The following GPR158 variants were observed in gnomAD, a reference collection of about 807,000 sequenced individuals.
GPR158 encodes the protein metabotropic glycine receptor.
GPR158 carries 30 observed loss-of-function variants against 78.2 expected under a neutral mutation model. The ratio of observed to expected loss-of-function variants is 0.38; its 90% CI spans 0.29 to 0.52. The LOEUF is 0.52. GPR158 is among the 20% of genes least tolerant of loss of function. GPR158 has a pLI of 0.83. For synonymous variants in GPR158, 581 were observed against 591.1 expected (o/e 0.98, Z 0.25); for missense variants, 1,463 against 1,523.5 (o/e 0.96, Z 0.66).
intron 4 of GPR158, among the ~76,000 whole-genome samples, chr10:25,426,134 A>G (rs540857627): frequency 1.3e-3 from 191 of 152,264 alleles, no homozygotes; most frequent in African/African-American, 4.2e-3. Flanking sequence ...GAGTTTCATC[A>G]TATGTAAAAT....
intron 6 of GPR158, among the ~76,000 whole-genome samples, chr10:25,555,024 AAAG>A (rs1303958131): frequency 2.0e-5 from 3 of 152,056 alleles, no homozygotes; most frequent in Admixed American, 6.6e-5. Context: ...AAAGAAAAGA[AAAG>A]AAGAGAAAAG....
chr10:25,427,571 G>T (rs1435408454), intron 4 of GPR158, among the ~76,000 whole-genome samples: 1 of 151,988 alleles, frequency 6.6e-6, no homozygotes, highest in East Asian at 1.9e-4. Context: ...GCTAATATAG[G>T]TTTTTTAAAT....
intron 1 of GPR158, among the ~76,000 whole-genome samples, chr10:25,179,162 T>G (rs1852581375): frequency 6.6e-6 from 1 of 152,246 alleles, no homozygotes; most frequent in African/African-American, 2.4e-5. Flanking sequence ...GTTGATGATA[T>G]TTTATCATCT....
chr10:25,322,376 G>A (rs7923779), intron 2 of GPR158, among the ~76,000 whole-genome samples: 2,162 of 143,040 alleles, frequency 0.015, 50 homozygotes, highest in African/African-American at 0.059. Context: ...GCGAGACTCC[G>A]TCTCAAAAAA....
chr10:25,213,252 TA>T (rs964429369), intron 1 of GPR158, among the ~76,000 whole-genome samples: 1 of 151,956 alleles, frequency 6.6e-6, no homozygotes, highest in Non-Finnish European at 1.5e-5. Context: ...GGGAACATCT[TA>T]AAAAAAACTT....
At chr10:25,335,849 T>C (rs935153798) in intron 2 of GPR158, among the ~76,000 whole-genome samples, 1 of 152,072 alleles carries the variant, frequency 6.6e-6, no homozygotes, top group Non-Finnish European at 1.5e-5. Context: ...GAAATATGAC[T>C]AAGTGACTCC....
rs918435046 is a variant in GPR158, at chr10:25,599,521, A to C, written c.*247A>C. 29 of 474,686 alleles carry C rather than the reference A, an allele frequency of 6.1e-5. No individual in the cohort carries two copies. The highest frequency in any genetic ancestry group is 5.6e-4 in the Middle Eastern group (1 of 1,792). 29.4% of individuals were successfully genotyped at this position (474,686 alleles called of 1,614,324 possible). ...ACTAGGAAAATCTTTCCATTTCAGC[A>C]TGTTTAAGGAAAATAGCCCACAATG... On this transcript the variant is annotated 3_prime_UTR_variant, in exon 11 of 11. Transcript: ENST00000376351.
At position 25,273,997 on chromosome 10, in the gene GPR158, C is replaced by T. The variant is rs112943499; in HGVS notation, c.1008+52840C>T. Among the ~76,000 whole-genome samples the T allele has an allele frequency of 2.1e-3, 313 of 152,134 alleles. 1 individual carries two copies. The highest frequency in any genetic ancestry group is 7.0e-3 in the African/African-American group (291 of 41,510). ...CTAGCCTCAAAGAAAATGTTTTTTG[C>T]GAGACATGGTTTTTCTCTGCTCCGT... On this transcript the variant is annotated intron_variant, in intron 2 of 10. Transcript: ENST00000376351.
At chr10:25,227,097 T>G (rs552475578) in intron 2 of GPR158, among the ~76,000 whole-genome samples, 1 of 152,314 alleles carries the variant, frequency 6.6e-6, no homozygotes, top group East Asian at 1.9e-4. Flanking sequence ...TTTTTTTGAG[T>G]TTTCCACTAT....
intron 3 of GPR158, among the ~76,000 whole-genome samples, chr10:25,409,622 G>A (rs1232868340): frequency 6.6e-6 from 1 of 152,048 alleles, no homozygotes; most frequent in African/African-American, 2.4e-5. Context: ...CTTTTTTCCA[G>A]TGTTAGAAAA....
intron 2 of GPR158, among the ~76,000 whole-genome samples, chr10:25,284,686 A>AT (rs1254129207): frequency 2.7e-5 from 4 of 150,780 alleles, no homozygotes; most frequent in Non-Finnish European, 5.9e-5. Flanking sequence ...CTTGTTCTTT[A>AT]TTTTTTCTCT....
At chr10:25,549,309 C>T (rs1332250100) in intron 5 of GPR158, among the ~76,000 whole-genome samples, 9 of 152,174 alleles carry the variant, frequency 5.9e-5, no homozygotes. Context: ...AGCTTCAAGT[C>T]CTTAGTAAAC....
At chr10:25,435,850 G>A (rs571403981) in intron 4 of GPR158, among the ~76,000 whole-genome samples, 4 of 152,278 alleles carry the variant, frequency 2.6e-5, no homozygotes, top group Non-Finnish European at 4.4e-5. Flanking sequence ...AGAGATAGTC[G>A]TGGTAGTGCA....
rs1316801123 is a variant in GPR158, at chr10:25,601,360, T to C, written c.*2086T>C. The C allele has an allele frequency of 3.3e-5, 5 of 152,636 alleles. No individual in the cohort carries two copies. 9.5% of individuals were successfully genotyped at this position (152,636 alleles called of 1,614,324 possible). ...CCATTTATTTCTTTTATCTCTTCCT[T>C]TTCAATGAAGGCCTATATGCTTGGT... On this transcript the variant is annotated 3_prime_UTR_variant, in exon 11 of 11. Coordinates refer to ENST00000376351, the MANE Select transcript of GPR158 (RefSeq NM_020752.3).
intron 5 of GPR158, among the ~76,000 whole-genome samples, chr10:25,490,655 G>A (rs1362749546): frequency 6.7e-6 from 1 of 149,152 alleles, no homozygotes; most frequent in African/African-American, 2.5e-5. Flanking sequence ...GTATTCCGTG[G>A]TGTATATGTG....
In GPR158 at chr10:25,457,137, C is replaced by CA. The variant is rs1385935036; in HGVS notation, c.1336-9513dup. Among the ~76,000 whole-genome samples the CA allele has an allele frequency of 0.035, 4,407 of 126,438 alleles. 528 individuals carry two copies. In the East Asian group the frequency reaches 0.42, roughly 12 times the overall value. The allele number at this position is 126,438 out of a possible 152,430, so 82.9% of individuals were successfully genotyped here. On this transcript the variant is annotated intron_variant, in intron 4 of 10. Coordinates refer to ENST00000376351, the MANE Select transcript of GPR158 (RefSeq NM_020752.3). ...ACAGGTGCCTGCCAGCCACCATGCC[C>CA]ACCTTTTTTTTTTTTTTTTTTTTTT...
chr10:25,464,158 C>T (rs1158091913), intron 4 of GPR158, among the ~76,000 whole-genome samples: 1 of 152,118 alleles, frequency 6.6e-6, no homozygotes, highest in Non-Finnish European at 1.5e-5. Flanking sequence ...GAAGATTATT[C>T]AACAATTACA....
intron 4 of GPR158, among the ~76,000 whole-genome samples, chr10:25,419,412 GTTGTT>G (rs1834714180): frequency 6.6e-6 from 1 of 152,058 alleles, no homozygotes; most frequent in Non-Finnish European, 1.5e-5. Context: ...GGCCATTTGA[GTTGTT>G]TCTACTTTTT....
intron 1 of GPR158, among the ~76,000 whole-genome samples, chr10:25,211,471 GA>G (rs1176494617): frequency 3.3e-5 from 5 of 152,156 alleles, no homozygotes; most frequent in African/African-American, 1.2e-4. Flanking sequence ...AGGAAAAAGG[GA>G]TGGGGGGAGC....
Sources: allele counts gnomAD v4.1 joint callset (sites outside exome capture counted in the v4.1 genomes callset), GRCh38; gene constraint gnomAD v4.1.1; transcripts MANE v1.5; gene names NCBI Gene and HGNC (gene_info 2026-07-23, HGNC 2026-07-21).